NICN1: variants seen among roughly 807,000 people sequenced by gnomAD.
NICN1 encodes nicolin 1, tubulin polyglutamylase complex subunit, also known as nicolin-1.
In NICN1, 18 loss-of-function variants were observed where a neutral mutation model predicts 26.3. The observed-to-expected ratio is 0.68, with a 90% CI of 0.47 to 1.01. The LOEUF (loss-of-function observed/expected upper bound fraction) is 1.01. NICN1 is among the 50% of genes least tolerant of loss of function. NICN1 has a pLI of 0.00. For synonymous variants in NICN1, 109 were observed against 111.0 expected (o/e 0.98, Z 0.11); for missense variants, 239 against 278.3 (o/e 0.86, Z 1.00).
At position 49,424,765 on chromosome 3, in the gene NICN1, G is replaced by A; in HGVS notation, c.*68C>T. The A allele has an allele frequency of 7.9e-7, 1 of 1,261,302 alleles. No individual in the cohort carries two copies. The highest frequency in any genetic ancestry group is 1.2e-5 in the South Asian group (1 of 83,972). 78.1% of individuals were successfully genotyped at this position (1,261,302 alleles called of 1,614,324 possible). A position where few individuals can be genotyped will look rare whatever the true frequency, so the allele number is the denominator to read the frequency against. On this transcript the variant is annotated 3_prime_UTR_variant, in exon 6 of 6. Transcript: ENST00000273598. ...TGGAATGCACAGGAAATACACTTCA[G>A]CCTCTGGTGGCCCAAACCAAGTCTG... is the stretch of plus-strand genomic sequence containing the variant.
chr3:49,426,956 T>C (rs890623761), intron 1 of NICN1, among the ~76,000 whole-genome samples: 10 of 152,190 alleles, frequency 6.6e-5, no homozygotes, highest in African/African-American at 1.9e-4. Flanking sequence ...AGCAGCGCTC[T>C]AACCCTGGAA....
rs1559532168 is a variant in NICN1, at chr3:49,425,030, T to C, written c.519A>G (p.Val173=). ...CCCACATCTGCTGCACCTCGGAGGATACCCTGCTGGGGTCTGGGAGACCCT... is the reference window on the plus strand; with the variant it reads ...CCCACATCTGCTGCACCTCGGAGGACACCCTGCTGGGGTCTGGGAGACCCT... The part of the protein sequence containing the change: ...LREGLPDPSR[V]SSEVQQMWAL... The change falls in exon 5 of 6, where the codon GTA becomes GTG. Residue 173 remains valine, a synonymous_variant. Transcript: ENST00000273598. The C allele has an allele frequency of 1.2e-6, 2 of 1,614,022 alleles. No homozygotes were observed. The highest frequency in any genetic ancestry group is 3.3e-5 in the Admixed American group (2 of 60,022).
chr3:49,425,522 AG>A, intron 3 of NICN1, 84 bp from the exon 4 acceptor site: 1 of 1,166,786 alleles, frequency 8.6e-7, no homozygotes, highest in Non-Finnish European at 1.2e-6. Context: ...AGCAGAGAGA[AG>A]GGCCGCTGGG....
Position 49,426,462 on chromosome 3 carries a change from A to G in NICN1, c.133-34T>C, listed in dbSNP as rs1454553795. The G allele has an allele frequency of 3.8e-6, 6 of 1,590,096 alleles. No individual in the cohort carries two copies. The African/African-American group carries it at 6.7e-5, about 18-fold the overall frequency. ...CATACAACCCATTACAACAAGTCAG[A>G]CCCAGGCCCAGGGGCCTGAAAAGCT... On this transcript the variant is annotated intron_variant, in intron 1 of 5. Transcript: ENST00000273598.
chr3:49,428,672 G>A (rs557463714), intron 1 of NICN1, among the ~76,000 whole-genome samples: 46 of 148,556 alleles, frequency 3.1e-4, no homozygotes, highest in African/African-American at 1.1e-3. Context: ...GGTGAGCCGA[G>A]ATCGTGCCAT....
intron 1 of NICN1, among the ~76,000 whole-genome samples, chr3:49,428,220 CA>C (rs894696987): frequency 4.3e-4 from 60 of 139,358 alleles, no homozygotes; most frequent in Admixed American, 5.8e-4. Context: ...ACCTCCATCT[CA>C]AAAAAAAAAA....
Position 49,422,493 on chromosome 3 carries a change from A to G in NICN1, c.*2340T>C. On this transcript the variant is annotated 3_prime_UTR_variant, in exon 6 of 6. Transcript: ENST00000273598. ...GCAGACGGCGCACAGAGGCCACCAC[A>G]CTGCCAGGCACGCCGGGAGATGTAG... is the stretch of plus-strand genomic sequence containing the variant. 3 of 1,578,678 alleles carry G rather than the reference A, an allele frequency of 1.9e-6. No individual in the cohort carries two copies. Among genetic ancestry groups the G allele is most frequent in the Non-Finnish European group, 2.6e-6 (3 of 1,153,008 alleles).
intron 1 of NICN1, among the ~76,000 whole-genome samples, chr3:49,427,778 AT>A (rs1559532956): frequency 6.6e-6 from 1 of 152,206 alleles, no homozygotes; most frequent in African/African-American, 2.4e-5. Context: ...GGATCTTGTC[AT>A]TGGATACTCA....
Position 49,426,414 on chromosome 3 carries a change from C to T in NICN1, c.147G>A (p.Thr49=), listed in dbSNP as rs774602831. The T allele has an allele frequency of 7.4e-6, 12 of 1,614,024 alleles. No individual in the cohort carries two copies. Among genetic ancestry groups the T allele is most frequent in the South Asian group, 2.2e-5 (2 of 91,088 alleles). Reference sequence around the variant, plus strand: ...AAAAAGCTGTGTAGTAATTCTTAAACGTGATTTCCTGCAACTAGAACACAT... The same window carrying T: ...AAAAAGCTGTGTAGTAATTCTTAAATGTGATTTCCTGCAACTAGAACACAT... ...SVAPFELQEI[T]FKNYYTAFLS... Residue 49 remains threonine, a synonymous_variant, in exon 2 of 6, where the codon ACG becomes ACA. Transcript: ENST00000273598.
In NICN1 at chr3:49,422,374, A is replaced by T. The variant is rs1362609880; in HGVS notation, c.*2459T>A. 17 of 1,613,856 alleles carry T rather than the reference A, an allele frequency of 1.1e-5. No homozygotes were observed. The highest frequency in any genetic ancestry group is 1.3e-5 in the Non-Finnish European group (15 of 1,179,978). On this transcript the variant is annotated 3_prime_UTR_variant, in exon 6 of 6. Coordinates refer to ENST00000273598, the MANE Select transcript of NICN1 (RefSeq NM_032316.3). ...CCTCTATCCCACCTGTGCGCAACTA[A>T]GTGGACGACACAAGGCCGGGGGGAA...
chr3:49,429,318 C>A lies in NICN1; in HGVS notation c.-79G>T. 2.0e-6 allele frequency: 3 copies of A among 1,467,574 alleles called. No individual in the cohort carries two copies. Among genetic ancestry groups the A allele is most frequent in the Non-Finnish European group, 2.7e-6 (3 of 1,101,390 alleles). The allele number at this position is 1,467,574 out of a possible 1,614,324, so 90.9% of individuals were successfully genotyped here. ...GCCCTTCCCGGCATCCTCAGCCGAGCCTCAAGAACTACAAATCCCGGGAGG... is the reference window on the plus strand; with the variant it reads ...GCCCTTCCCGGCATCCTCAGCCGAGACTCAAGAACTACAAATCCCGGGAGG... On this transcript the variant is annotated 5_prime_UTR_variant, in exon 1 of 6. Transcript: ENST00000273598.
At position 49,429,288 on chromosome 3, in the gene NICN1, C is replaced by T; in HGVS notation, c.-49G>A. On this transcript the variant is annotated 5_prime_UTR_variant, in exon 1 of 6. Transcript: ENST00000273598. ...GCAACCGCCGCTCTAGGCCCCCGAC[C>T]ACCAGCCCTTCCCGGCATCCTCAGC... 1.3e-6 allele frequency: 2 copies of T among 1,535,866 alleles called. No individual in the cohort carries two copies. The highest frequency in any genetic ancestry group is 1.8e-6 in the Non-Finnish European group (2 of 1,137,170).
chr3:49,425,833 T>C (rs201779325), intron 3 of NICN1, 50 bp downstream of exon 3: 89 of 1,013,048 alleles, frequency 8.8e-5, no homozygotes, highest in South Asian at 8.5e-4. Flanking sequence ...TTCCCAGTCA[T>C]AGAAGCTTTC....
At chr3:49,426,554 A>C (rs1239295815) in intron 1 of NICN1, 126 bp from the exon 2 acceptor site, 2 of 718,592 alleles carry the variant, frequency 2.8e-6, no homozygotes, top group East Asian at 5.4e-5. Flanking sequence ...TTGAGAGGAA[A>C]TCTTGCTCTT....
chr3:49,426,726 C>T (rs562925193), intron 1 of NICN1, among the ~76,000 whole-genome samples: 1 of 152,224 alleles, frequency 6.6e-6, no homozygotes, highest in Admixed American at 6.5e-5. Context: ...GACAGAATTT[C>T]ACCATGTTGG....
Position 49,429,269 on chromosome 3 carries a change from G to A in NICN1, c.-30C>T, listed in dbSNP as rs1322590204. ...ACAGCAGCCGCAACTAAGTGCAACC[G>A]CCGCTCTAGGCCCCCGACCACCAGC... On this transcript the variant is annotated 5_prime_UTR_variant, in exon 1 of 6. Transcript: ENST00000273598. 13 of 1,564,648 alleles carry A rather than the reference G, an allele frequency of 8.3e-6. No homozygotes were observed. The highest frequency in any genetic ancestry group is 1.7e-4 in the Middle Eastern group (1 of 5,906).
intron 4 of NICN1, 54 bp downstream of exon 4, chr3:49,425,313 G>C: frequency 6.9e-7 from 1 of 1,458,272 alleles, no homozygotes. Context: ...TACCTGGCCT[G>C]TGTTGGACAC....
At chr3:49,428,809 C>G (rs1474512988) in intron 1 of NICN1, among the ~76,000 whole-genome samples, 2 of 151,996 alleles carry the variant, frequency 1.3e-5, no homozygotes, top group African/African-American at 4.8e-5. Flanking sequence ...AAAATGACCC[C>G]TAACTTCTAT....
In NICN1 at chr3:49,422,467, T is replaced by C. The variant is rs1230125432; in HGVS notation, c.*2366A>G. ...CCTCTGCATCGTCGCCTGCAACGAG[T>C]GCAGACGGCGCACAGAGGCCACCAC... On this transcript the variant is annotated 3_prime_UTR_variant, in exon 6 of 6. Transcript: ENST00000273598. 8 of 1,610,904 alleles carry C rather than the reference T, an allele frequency of 5.0e-6. No individual in the cohort carries two copies. The Admixed American group carries it at 1.0e-4, about 20-fold the overall frequency.
Sources: gnomAD v4.1 joint callset for allele counts (sites outside exome capture counted in the v4.1 genomes callset) on GRCh38, gnomAD v4.1.1 for gene constraint, MANE v1.5 for transcripts, NCBI Gene and HGNC (gene_info 2026-07-23, HGNC 2026-07-21) for gene names.